Variants in ANGPTL1 observed in about 807,000 individuals in gnomAD.
ANGPTL1 encodes angiopoietin-related protein 1.
ANGPTL1 carries 36 observed loss-of-function variants against 46.7 expected under a neutral mutation model. The observed-to-expected ratio is 0.77, with a 90% CI of 0.59 to 1.02. ANGPTL1 has a LOEUF of 1.02. Ranked by LOEUF, ANGPTL1 falls within the 50% of genes least tolerant of loss-of-function variation. The probability of loss-of-function intolerance (pLI) is 0.00; values close to 1 mark genes in which losing one functional copy is unlikely to be tolerated. For missense variants in ANGPTL1, 571 were observed against 594.7 expected, an observed-to-expected ratio of 0.96 and a Z score of 0.41; for synonymous variants, 221 against 204.3, an observed-to-expected ratio of 1.08 and a Z score of -0.69.
chr1:178,856,200 G>GATATATAT (rs1348083361), intron 3 of ANGPTL1, among the ~76,000 whole-genome samples: 58 of 40,914 alleles, frequency 1.4e-3, no homozygotes, highest in African/African-American at 4.2e-3. Context: ...CAGAGAGAGA[G>GATATATAT]AGATATATAT....
In ANGPTL1 at chr1:178,856,394, A is replaced by ATTTTTTTTTTTTTTTTTTTTTTT. The variant is rs71108081; in HGVS notation, c.824-2630_824-2608dup. ...AGGCAAGTGCCACCCTGCCTGGCTA[A>ATTTTTTTTTTTTTTTTTTTTTTT]TTTTTTTTTTTTTTTTTTTTTTTTT... On this transcript the variant is annotated intron_variant, in intron 3 of 5. Transcript: ENST00000234816. 1.1e-4 allele frequency among the ~76,000 whole-genome samples: 4 copies of ATTTTTTTTTTTTTTTTTTTTTTT among 36,430 alleles called. 1 individual carries two copies. Among genetic ancestry groups the ATTTTTTTTTTTTTTTTTTTTTTT allele is most frequent in the African/African-American group, 4.4e-4 (3 of 6,866 alleles). 23.9% of individuals were successfully genotyped at this position (36,430 alleles called of 152,430 possible). A position where few individuals can be genotyped will look rare whatever the true frequency, so the allele number is the denominator to read the frequency against.
At position 178,853,711 on chromosome 1, in the gene ANGPTL1, G is replaced by A. The variant is rs375893697; in HGVS notation, c.900C>T (p.Asn300=). 1.2e-6 allele frequency: 2 copies of A among 1,612,140 alleles called. No homozygotes were observed. Among genetic ancestry groups the A allele is most frequent in the African/African-American group, 2.7e-5 (2 of 74,736 alleles). ...VSGIYMIKPE[N]SNGPMQLWCE... ...ACCATAACTGCATTGGTCCATTGCT[G>A]TTTTCAGGTTTAATCATATAAATCC... The change falls in exon 4 of 6, where the codon AAC becomes AAT. Residue 300 remains asparagine, a synonymous_variant. Coordinates refer to ENST00000234816, the MANE Select transcript of ANGPTL1 (RefSeq NM_004673.4).
At chr1:178,870,217 A>G (rs1254892410) in intron 1 of ANGPTL1, among the ~76,000 whole-genome samples, 1 of 152,174 alleles carries the variant, frequency 6.6e-6, no homozygotes, top group Non-Finnish European at 1.5e-5. Flanking sequence ...ATATTTGGTT[A>G]TACTGTAATT....
rs71108081 is a variant in ANGPTL1, at chr1:178,856,394, A to ATTTTTTTTTTTTTT, written c.824-2621_824-2608dup. On this transcript the variant is annotated intron_variant, in intron 3 of 5. Coordinates refer to ENST00000234816, the MANE Select transcript of ANGPTL1 (RefSeq NM_004673.4). The stretch of plus-strand genomic sequence containing the variant: ...AGGCAAGTGCCACCCTGCCTGGCTA[A>ATTTTTTTTTTTTTT]TTTTTTTTTTTTTTTTTTTTTTTTT... Among the ~76,000 whole-genome samples the ATTTTTTTTTTTTTT allele has an allele frequency of 2.6e-3, 95 of 36,432 alleles. 21 individuals are homozygous for ATTTTTTTTTTTTTT. The highest frequency in any genetic ancestry group is 4.8e-3 in the African/African-American group (33 of 6,868). The allele number at this position is 36,432 out of a possible 152,430, so 23.9% of individuals were successfully genotyped here.
At chr1:178,857,969 C>T (rs1188506318) in intron 3 of ANGPTL1, among the ~76,000 whole-genome samples, 1 of 152,120 alleles carries the variant, frequency 6.6e-6, no homozygotes, top group Non-Finnish European at 1.5e-5. Flanking sequence ...TTTCATAAGA[C>T]TTCAATTATG....
At chr1:178,869,650 AGC>A (rs1658627466) in intron 1 of ANGPTL1, among the ~76,000 whole-genome samples, 1 of 152,136 alleles carries the variant, frequency 6.6e-6, no homozygotes, top group African/African-American at 2.4e-5. Flanking sequence ...AAATCCTGCC[AGC>A]ATTTACAGTT....
intron 3 of ANGPTL1, among the ~76,000 whole-genome samples, chr1:178,863,571 T>C (rs906008298): frequency 3.3e-5 from 5 of 152,182 alleles, no homozygotes; most frequent in African/African-American, 1.2e-4. Context: ...AGAAGGTGTT[T>C]CAGTAAAGAA....
intron 3 of ANGPTL1, among the ~76,000 whole-genome samples, chr1:178,855,787 T>G (rs1034770726): frequency 6.6e-6 from 1 of 151,810 alleles, no homozygotes; most frequent in Non-Finnish European, 1.5e-5. Flanking sequence ...GGATTTTGGA[T>G]TTTTTCAAAG....
chr1:178,855,075 CAAGT>C (rs1241653739), intron 3 of ANGPTL1, among the ~76,000 whole-genome samples: 1 of 152,046 alleles, frequency 6.6e-6, no homozygotes, highest in Admixed American at 6.6e-5. Context: ...AGAGTTTAGT[CAAGT>C]AAAGTTCTTA....
Position 178,866,934 on chromosome 1 carries a change from G to A in ANGPTL1, c.-26-1132C>T, listed in dbSNP as rs557780550. 3.9e-5 allele frequency among the ~76,000 whole-genome samples: 6 copies of A among 152,240 alleles called. No individual in the cohort carries two copies. In the South Asian group the frequency reaches 1.2e-3, roughly 32 times the overall value. On this transcript the variant is annotated intron_variant, in intron 2 of 5. Transcript: ENST00000234816. ...CTAGTTACCTCCCACAAGAGTAGCA[G>A]AAGTAGAATGGGTAAGGTATGTTCA...
At chr1:178,861,205 T>C (rs910223749) in intron 3 of ANGPTL1, among the ~76,000 whole-genome samples, 12 of 152,224 alleles carry the variant, frequency 7.9e-5, no homozygotes, top group Admixed American at 6.5e-5. Context: ...GTAATTCTTA[T>C]GGTCTAGCAG....
chr1:178,865,131 C>G lies in ANGPTL1; in HGVS notation c.646G>C (p.Val216Leu), dbSNP rs574769809. The change falls in exon 3 of 6, where the codon GTC becomes CTC. Residue 216 changes from valine (V) to leucine (L), a missense_variant. Coordinates refer to ENST00000234816, the MANE Select transcript of ANGPTL1 (RefSeq NM_004673.4). ...RQDTHVSPPL[V>L]QVVPQHIPNS... ...GGAATATGTTGTGGCACCACCTGGA[C>G]AAGTGGGGGAGACACATGGGTGTCT... The G allele has an allele frequency of 5.6e-5, 89 of 1,591,076 alleles. 1 individual carries two copies. The South Asian group carries it at 1.0e-3, about 18-fold the overall frequency.
chr1:178,852,574 A>C (rs1657245470), intron 5 of ANGPTL1, 109 bp downstream of exon 5: 1 of 1,218,610 alleles, frequency 8.2e-7, no homozygotes, highest in South Asian at 1.7e-5. Flanking sequence ...TGCCACAGTG[A>C]CCAAAACTGA....
In ANGPTL1 at chr1:178,852,910, T is replaced by A; in HGVS notation, c.1061A>T (p.Glu354Val). The change falls in exon 5 of 6, where the codon GAA (glutamate) becomes GTA (valine). Residue 354 changes from glutamate (E) to valine (V), a missense_variant. Glu to Val is a moderately radical substitution (Grantham distance 121, BLOSUM62 -2). Transcript: ENST00000234816. Reference sequence around the variant, plus strand: ...TTGATTGCTAAGCATATAGATATTTTCCAGTCCAAGCCAGTATTCTCCGTC... The same window carrying A: ...TTGATTGCTAAGCATATAGATATTTACCAGTCCAAGCCAGTATTCTCCGTC... ...NIDGEYWLGLENIYMLSNQDN... is the reference protein window; with the variant it reads ...NIDGEYWLGLVNIYMLSNQDN... 6.2e-7 allele frequency: 1 copy of A among 1,613,712 alleles called. No individual in the cohort carries two copies. Among genetic ancestry groups the A allele is most frequent in the Non-Finnish European group, 8.5e-7 (1 of 1,179,768 alleles).
Position 178,865,224 on chromosome 1 carries a change from G to A in ANGPTL1, c.553C>T (p.Leu185Phe). 6.2e-7 allele frequency: 1 copy of A among 1,614,118 alleles called. No individual in the cohort carries two copies. The highest frequency in any genetic ancestry group is 2.2e-5 in the East Asian group (1 of 44,890). ...ATCATCACAGATTGGTTATTGACAA[G>A]ATCAGTCAAGGAAGCGTATTTCACC... ...LEVKYASLTDLVNNQSVMITL... is the reference protein window; with the variant it reads ...LEVKYASLTDFVNNQSVMITL... The change falls in exon 3 of 6, where the codon CTT becomes TTT. Residue 185 changes from leucine to phenylalanine, a missense_variant. By Grantham distance (22) the Leu-to-Phe change is conservative (BLOSUM62 0). Transcript: ENST00000234816.
At chr1:178,859,408 T>C (rs1236133159) in intron 3 of ANGPTL1, among the ~76,000 whole-genome samples, 1 of 146,820 alleles carries the variant, frequency 6.8e-6, no homozygotes, top group Non-Finnish European at 1.5e-5. Context: ...TAACTTTTTT[T>C]TTTTTTTTTT....
chr1:178,856,618 A>G (rs1012252202), intron 3 of ANGPTL1, among the ~76,000 whole-genome samples: 1 of 151,558 alleles, frequency 6.6e-6, no homozygotes, highest in African/African-American at 2.4e-5. Flanking sequence ...GACTCAACTT[A>G]GTGAACGTAT....
At chr1:178,851,519 A>ACTCTTTGCT (rs1219830915) in intron 5 of ANGPTL1, among the ~76,000 whole-genome samples, 3 of 151,554 alleles carry the variant, frequency 2.0e-5, no homozygotes, top group African/African-American at 7.3e-5. Flanking sequence ...CCTTTTTTTA[A>ACTCTTTGCT]CTCTTTGCTT....
In ANGPTL1 at chr1:178,856,202, GATATAT is replaced by G. The variant is rs55797277; in HGVS notation, c.824-2421_824-2416del. On this transcript the variant is annotated intron_variant, in intron 3 of 5. Transcript: ENST00000234816. ...ACCTGTACTTTTCCAGAGAGAGAGA[GATATAT>G]ATATATATATATATATATATATATA... Among the ~76,000 whole-genome samples, 43 of 83,894 alleles carry G rather than the reference GATATAT, an allele frequency of 5.1e-4. 1 individual carries two copies. Among genetic ancestry groups the G allele is most frequent in the African/African-American group, 2.0e-3 (31 of 15,588 alleles). 55.0% of individuals were successfully genotyped at this position (83,894 alleles called of 152,430 possible).
Sources: allele counts gnomAD v4.1 joint callset (sites outside exome capture counted in the v4.1 genomes callset), GRCh38; gene constraint gnomAD v4.1.1; transcripts MANE v1.5; gene names NCBI Gene and HGNC (gene_info 2026-07-23, HGNC 2026-07-21).